Variants in C19orf18 observed in about 807,000 individuals in gnomAD.
C19orf18 encodes the protein chromosome 19 open reading frame 18.
A neutral mutation model predicts 23.3 loss-of-function variants in C19orf18; 21 were observed. The observed-to-expected ratio is 0.90, with a 90% CI of 0.64 to 1.30. The LOEUF is 1.30. Ranked by LOEUF, C19orf18 falls within the 50% of genes most tolerant of loss-of-function variation. The probability of loss-of-function intolerance (pLI) is 0.00; values close to 1 mark genes in which losing one functional copy is unlikely to be tolerated. For synonymous variants in C19orf18, 96 were observed against 95.2 expected (o/e 1.01, Z -0.05); for missense variants, 249 against 259.6 (o/e 0.96, Z 0.28).
Position 57,966,570 on chromosome 19 carries a change from T to C in C19orf18, c.331A>G (p.Ile111Val). ...VILISSVAFS[I>V]ALICGMAISY... Reference sequence around the variant, plus strand: ...ATTGCCATCCCACATATCAGGGCAATGCTGAAGGCTACGCTCGAAATTAAA... The same window carrying C: ...ATTGCCATCCCACATATCAGGGCAACGCTGAAGGCTACGCTCGAAATTAAA... The change falls in exon 4 of 6, where the codon ATT becomes GTT. Residue 111 changes from isoleucine to valine, a missense_variant. Transcript: ENST00000314391. 2 of 1,613,210 alleles carry C rather than the reference T, an allele frequency of 1.2e-6. No homozygotes were observed. The highest frequency in any genetic ancestry group is 1.7e-6 in the Non-Finnish European group (2 of 1,179,268).
At chr19:57,961,240 A>C (rs2072869215) in intron 5 of C19orf18, 151 bp downstream of exon 5, 2 of 947,084 alleles carry the variant, frequency 2.1e-6, no homozygotes, top group Non-Finnish European at 1.5e-6. Context: ...GTCTTAAAAA[A>C]AAAATGAAAG....
At chr19:57,967,031 C>T (rs2072913594) in intron 3 of C19orf18, among the ~76,000 whole-genome samples, 1 of 151,458 alleles carries the variant, frequency 6.6e-6, no homozygotes, top group Non-Finnish European at 1.5e-5. Flanking sequence ...TTTCAGTGAG[C>T]CGAGATCATG....
intron 5 of C19orf18, among the ~76,000 whole-genome samples, chr19:57,960,602 G>A (rs748367692): frequency 2.0e-5 from 3 of 152,132 alleles, no homozygotes; most frequent in Non-Finnish European, 4.4e-5. Flanking sequence ...GTCAGATGGA[G>A]ACAGATGGTG....
chr19:57,971,928 T>C (rs2072947364), intron 3 of C19orf18, among the ~76,000 whole-genome samples: 1 of 152,114 alleles, frequency 6.6e-6, no homozygotes, highest in Admixed American at 6.5e-5. Context: ...ACTCAGCATA[T>C]GTGATTAAAT....
At position 57,974,098 on chromosome 19, in the gene C19orf18, C is replaced by A. The variant is rs993558170; in HGVS notation, c.226+1G>T. 1.2e-6 allele frequency: 2 copies of A among 1,613,110 alleles called. No homozygotes were observed. Among genetic ancestry groups the A allele is most frequent in the African/African-American group, 2.7e-5 (2 of 74,902 alleles). ...ACTGAATGAGGAATTCAATGACTCA[C>A]CCGTGGATCTCGAGGCAGCCCCTTG... On this transcript the variant is annotated splice_donor_variant, in intron 2 of 5. Coordinates refer to ENST00000314391, the MANE Select transcript of C19orf18 (RefSeq NM_152474.5). LOFTEE classifies it high-confidence loss of function.
intron 4 of C19orf18, among the ~76,000 whole-genome samples, chr19:57,964,740 A>G (rs1413106457): frequency 6.6e-6 from 1 of 152,212 alleles, no homozygotes; most frequent in Non-Finnish European, 1.5e-5. Flanking sequence ...CTCAGAAAAT[A>G]TCTCACACAT....
chr19:57,961,179 G>T (rs257669), intron 5 of C19orf18, among the ~76,000 whole-genome samples: 1 of 151,616 alleles, frequency 6.6e-6, no homozygotes, highest in African/African-American at 2.4e-5. Flanking sequence ...AGCTTGCAGT[G>T]AGCAGAGATC....
At chr19:57,961,599 T>C in intron 4 of C19orf18, 48 bp from the exon 5 acceptor site, 1 of 1,593,400 alleles carries the variant, frequency 6.3e-7, no homozygotes, top group Non-Finnish European at 8.6e-7. Context: ...TCATGATGAA[T>C]AATTCATTTC....
chr19:57,961,465 C>A lies in C19orf18; in HGVS notation c.458G>T (p.Gly153Val). Residue 153 changes from glycine (G) to valine (V), a missense_variant, in exon 5 of 6, where the codon GGC becomes GTC. By Grantham distance (109) the Gly-to-Val change is moderately radical (BLOSUM62 -3). Transcript: ENST00000314391. ...CGTGGACTCACCCTCGTCCTCTGAG[C>A]CCTCTTCTTCATCTCCTAATAACGG... The part of the protein sequence containing the change: ...RIPLLGDEEE[G>V]SEDEGESTHL... 1 of 1,614,120 alleles carries A rather than the reference C, an allele frequency of 6.2e-7. No individual in the cohort carries two copies. The highest frequency in any genetic ancestry group is 1.1e-5 in the South Asian group (1 of 91,078).
At chr19:57,962,465 A>G (rs1030555198) in intron 4 of C19orf18, among the ~76,000 whole-genome samples, 5 of 152,236 alleles carry the variant, frequency 3.3e-5, no homozygotes, top group African/African-American at 9.6e-5. Context: ...CTGGAAGTGG[A>G]TCACTGAACA....
chr19:57,962,520 C>T (rs983598731), intron 4 of C19orf18, among the ~76,000 whole-genome samples: 1 of 152,120 alleles, frequency 6.6e-6, no homozygotes, highest in African/African-American at 2.4e-5. Flanking sequence ...GTTTTCCTAA[C>T]ATACTTACCT....
At chr19:57,965,384 C>T (rs1269726363) in intron 4 of C19orf18, among the ~76,000 whole-genome samples, 5 of 152,160 alleles carry the variant, frequency 3.3e-5, no homozygotes, top group African/African-American at 1.2e-4. Flanking sequence ...ATGTACCCGC[C>T]TCAGCCTCCC....
At chr19:57,962,392 G>A (rs1022035496) in intron 4 of C19orf18, among the ~76,000 whole-genome samples, 3 of 152,002 alleles carry the variant, frequency 2.0e-5, no homozygotes, top group Admixed American at 6.6e-5. Context: ...CAAGAAATCC[G>A]TGATGAACAA....
intron 5 of C19orf18, 99 bp downstream of exon 5, chr19:57,961,292 A>G: frequency 3.2e-6 from 4 of 1,244,076 alleles, no homozygotes; most frequent in Non-Finnish European, 4.5e-6. Flanking sequence ...AGAAAGAAAG[A>G]AAAGAAATGC....
chr19:57,965,210 C>T (rs1210053371), intron 4 of C19orf18, among the ~76,000 whole-genome samples: 1 of 152,078 alleles, frequency 6.6e-6, no homozygotes, highest in Non-Finnish European at 1.5e-5. Flanking sequence ...TCTCTGCCCA[C>T]TGCAACCTCT....
rs984605509 is a variant in C19orf18 at position 57,959,361 on chromosome 19, G to T, written c.533-644C>A. On this transcript the variant is annotated intron_variant, in intron 5 of 5. Coordinates refer to ENST00000314391, the MANE Select transcript of C19orf18 (RefSeq NM_152474.5). ...AAACTAGCCCGGCGCAGTGGCTCAT[G>T]CCTGTAATCCCAGGACTTTGGGAGG... 1.8e-4 allele frequency among the ~76,000 whole-genome samples: 28 copies of T among 152,170 alleles called. 1 individual carries two copies. Among genetic ancestry groups the T allele is most frequent in the Admixed American group, 9.2e-4 (14 of 15,276 alleles).
At chr19:57,962,952 A>C (rs1268199266) in intron 4 of C19orf18, among the ~76,000 whole-genome samples, 1 of 151,798 alleles carries the variant, frequency 6.6e-6, no homozygotes, top group Non-Finnish European at 1.5e-5. Flanking sequence ...GACAAAAGGG[A>C]GGTGCTCGCC....
Position 57,966,582 on chromosome 19 carries a change from C to T in C19orf18, c.319G>A (p.Val107Ile), listed in dbSNP as rs780592836. 23 of 1,613,014 alleles carry T rather than the reference C, an allele frequency of 1.4e-5. No homozygotes were observed. The South Asian group carries it at 1.6e-4, about 12-fold the overall frequency. Residue 107 changes from valine (V) to isoleucine (I), a missense_variant, in exon 4 of 6, where the codon GTA (valine) becomes ATA (isoleucine). Coordinates refer to ENST00000314391, the MANE Select transcript of C19orf18 (RefSeq NM_152474.5). ...ALVKVILISS[V>I]AFSIALICGM... ...CATATCAGGGCAATGCTGAAGGCTA[C>T]GCTCGAAATTAAAATTACTTTAACA...
chr19:57,972,215 A>G (rs1310673913), intron 3 of C19orf18, among the ~76,000 whole-genome samples: 4 of 152,220 alleles, frequency 2.6e-5, no homozygotes, highest in Admixed American at 2.6e-4. Flanking sequence ...GTGTTCCACA[A>G]AGAGATCTCA....
Sources: gnomAD v4.1 joint callset for allele counts (sites outside exome capture counted in the v4.1 genomes callset) on GRCh38, gnomAD v4.1.1 for gene constraint, MANE v1.5 for transcripts, NCBI Gene and HGNC (gene_info 2026-07-23, HGNC 2026-07-21) for gene names.